KMT2E: variants seen among roughly 807,000 people sequenced by gnomAD.
The protein encoded by KMT2E is lysine methyltransferase 2E (inactive), also known as histone reader KMT2E.
Under a neutral mutation model 184.6 loss-of-function variants are expected in KMT2E, and 30 were observed. The ratio of observed to expected loss-of-function variants is 0.16; its 90% CI spans 0.12 to 0.22. KMT2E has a LOEUF of 0.22. Among genes scored for constraint, KMT2E ranks in the 10% least tolerant of loss-of-function variants. KMT2E has a pLI of 1.00. For synonymous variants in KMT2E, 815 were observed against 776.5 expected (o/e 1.05, Z -0.82); for missense variants, 2,023 against 2,237.4 (o/e 0.90, Z 1.93).
intron 12 of KMT2E, among the ~76,000 whole-genome samples, chr7:105,080,199 C>T (rs1397096990): frequency 6.6e-6 from 1 of 152,098 alleles, no homozygotes; most frequent in Non-Finnish European, 1.5e-5. Context: ...TGGCTCAATA[C>T]ATGCGATGAT....
chr7:105,036,868 A>G (rs2129565037), intron 1 of KMT2E, among the ~76,000 whole-genome samples: 1 of 152,346 alleles, frequency 6.6e-6, no homozygotes, highest in East Asian at 1.9e-4. Flanking sequence ...ATGTAATTGT[A>G]AGATCATCAG....
At chr7:105,092,097 C>G (rs572630965) in intron 15 of KMT2E, among the ~76,000 whole-genome samples, 4 of 152,098 alleles carry the variant, frequency 2.6e-5, no homozygotes, top group African/African-American at 9.7e-5. Flanking sequence ...TGGACTCTCA[C>G]GTCACATATT....
chr7:105,044,887 A>G (rs1295818293), intron 3 of KMT2E, among the ~76,000 whole-genome samples: 1 of 152,198 alleles, frequency 6.6e-6, no homozygotes, highest in East Asian at 1.9e-4. Flanking sequence ...GATGCAAACC[A>G]GCCTTACCAC....
At chr7:105,064,272 A>C (rs1343216873) in intron 5 of KMT2E, among the ~76,000 whole-genome samples, 1 of 139,858 alleles carries the variant, frequency 7.2e-6, no homozygotes, top group African/African-American at 2.7e-5. Context: ...TATCCCCTGC[A>C]TAGGGTGGGA....
At chr7:105,108,885 T>G in intron 22 of KMT2E, 57 bp from the exon 23 acceptor site, 1 of 1,429,452 alleles carries the variant, frequency 7.0e-7, no homozygotes, top group Non-Finnish European at 9.5e-7. Context: ...AATGCATTGG[T>G]TCTGACATAA....
intron 4 of KMT2E, among the ~76,000 whole-genome samples, chr7:105,062,819 C>T (rs573859807): frequency 2.0e-5 from 3 of 151,644 alleles, no homozygotes; most frequent in African/African-American, 4.8e-5. Context: ...TAGATTCAAA[C>T]GTAATTACAT....
intron 1 of KMT2E, among the ~76,000 whole-genome samples, chr7:105,018,703 G>A (rs1794818031): frequency 6.6e-6 from 1 of 152,036 alleles, no homozygotes. Flanking sequence ...AATGTTACTG[G>A]CTTTTAGGCT....
At chr7:105,036,011 A>T (rs765538275) in intron 1 of KMT2E, among the ~76,000 whole-genome samples, 1 of 152,202 alleles carries the variant, frequency 6.6e-6, no homozygotes, top group Non-Finnish European at 1.5e-5. Context: ...TAATAATCAG[A>T]GGAAACGCAA....
rs1352702692 is a variant in KMT2E at position 105,112,989 on chromosome 7, C to A, written c.5233C>A (p.Gln1745Lys). Residue 1745 changes from glutamine to lysine, a missense_variant, in exon 27 of 27, where the codon CAA (glutamine) becomes AAA (lysine). Physicochemically the swap from Gln to Lys is moderately conservative, Grantham distance 53. Coordinates refer to ENST00000311117, the MANE Select transcript of KMT2E (RefSeq NM_182931.3). Reference sequence around the variant, plus strand: ...TCAAGCCTTACACCACCCACCTCATCAAGGACCTCCACTTTTTCCTTCGAG... The same window carrying A: ...TCAAGCCTTACACCACCCACCTCATAAAGGACCTCCACTTTTTCCTTCGAG... ...SAQALHHPPH[Q>K]GPPLFPSSAH... The A allele has an allele frequency of 1.9e-6, 3 of 1,614,080 alleles. No homozygotes were observed. Among genetic ancestry groups the A allele is most frequent in the Non-Finnish European group, 2.5e-6 (3 of 1,180,014 alleles).
rs75130521 is a variant in KMT2E, at chr7:105,107,163, C to T, written c.2848-3C>T. 6 of 1,427,730 alleles carry T rather than the reference C, an allele frequency of 4.2e-6. No individual in the cohort carries two copies. In the African/African-American group the frequency reaches 7.2e-5, roughly 17 times the overall value. 88.4% of individuals were successfully genotyped at this position (1,427,730 alleles called of 1,614,324 possible). ...TCAATTCTAATTCTTTCTTTATATA[C>T]AGAATATTTCTTCCCCAGAAAGTTC... On this transcript the variant is annotated splice_polypyrimidine_tract_variant and splice_region_variant and intron_variant, in intron 20 of 26. Transcript: ENST00000311117.
intron 1 of KMT2E, 74 bp downstream of exon 1, chr7:105,014,609 A>C (rs1326025332): frequency 1.3e-5 from 2 of 151,208 alleles, no homozygotes; most frequent in African/African-American, 4.9e-5. Flanking sequence ...AGGGGGAGGG[A>C]GGTCTCTCAT....
chr7:105,036,203 G>A (rs1272955283), intron 1 of KMT2E, among the ~76,000 whole-genome samples: 1 of 144,132 alleles, frequency 6.9e-6, no homozygotes, highest in Non-Finnish European at 1.5e-5. Flanking sequence ...TTTTTTGGCA[G>A]AGTCTGTCAC....
intron 6 of KMT2E, among the ~76,000 whole-genome samples, chr7:105,070,347 T>C (rs1797231736): frequency 6.6e-6 from 1 of 151,916 alleles, no homozygotes; most frequent in South Asian, 2.1e-4. Context: ...TTAAGAATTG[T>C]TGGTTGGGCG....
At chr7:105,098,836 T>G (rs1056460492) in intron 15 of KMT2E, among the ~76,000 whole-genome samples, 2 of 152,178 alleles carry the variant, frequency 1.3e-5, no homozygotes, top group Admixed American at 6.5e-5. Context: ...ATAAAAACAA[T>G]GTATAGATTT....
chr7:105,044,944 T>C (rs1796037861), intron 3 of KMT2E, among the ~76,000 whole-genome samples: 1 of 152,162 alleles, frequency 6.6e-6, no homozygotes, highest in Admixed American at 6.5e-5. Context: ...GGAGCAGCAT[T>C]TCACCTTCTC....
intron 20 of KMT2E, among the ~76,000 whole-genome samples, 182 bp from the exon 21 acceptor site, chr7:105,106,981 CAGT>C (rs1423700870): frequency 6.6e-6 from 1 of 152,110 alleles, no homozygotes; most frequent in Non-Finnish European, 1.5e-5. Context: ...TTGATATACA[CAGT>C]AGACTAAATG....
In KMT2E at chr7:105,105,996, C is replaced by A. The variant is rs780748785; in HGVS notation, c.2589C>A (p.Ser863=). The part of the protein sequence containing the change: ...KSPLLLNDSC[S]LPDLTTPLKK... ...CACTACTATTAAATGACAGCTGTTC[C>A]CTTCCAGGTAGAATTTTTTTTTCAG... The change falls in exon 19 of 27, where the codon TCC becomes TCA. Residue 863 remains serine, a synonymous_variant. Coordinates refer to ENST00000311117, the MANE Select transcript of KMT2E (RefSeq NM_182931.3). The A allele has an allele frequency of 1.2e-6, 2 of 1,600,434 alleles. No homozygotes were observed. Among genetic ancestry groups the A allele is most frequent in the South Asian group, 1.1e-5 (1 of 88,280 alleles).
intron 1 of KMT2E, among the ~76,000 whole-genome samples, chr7:105,023,402 C>CAAAAAAAA (rs1158885663): frequency 0.13 from 7,363 of 55,780 alleles, 752 homozygotes; most frequent in East Asian, 0.41. Flanking sequence ...GACTCTGTCT[C>CAAAAAAAA]AAAAAAAAAA....
At chr7:105,035,127 C>T (rs1181065558) in intron 1 of KMT2E, among the ~76,000 whole-genome samples, 1 of 151,134 alleles carries the variant, frequency 6.6e-6, no homozygotes, top group South Asian at 2.1e-4. Flanking sequence ...TGGGTTCATG[C>T]CATTCTCCTG....
Sources: allele counts gnomAD v4.1 joint callset (sites outside exome capture counted in the v4.1 genomes callset), GRCh38; gene constraint gnomAD v4.1.1; transcripts MANE v1.5; gene names NCBI Gene and HGNC (gene_info 2026-07-23, HGNC 2026-07-21).